TUBGCP5: variants seen among roughly 807,000 people sequenced by gnomAD.
TUBGCP5 encodes tubulin gamma complex component 5.
Under a neutral mutation model 134.7 loss-of-function variants are expected in TUBGCP5, and 98 were observed. The ratio of observed to expected loss-of-function variants is 0.73; its 90% CI spans 0.62 to 0.86. The LOEUF (loss-of-function observed/expected upper bound fraction) is 0.86, where lower values mean the gene tolerates loss of function less well. TUBGCP5 is among the 40% of genes least tolerant of loss of function. The probability of loss-of-function intolerance (pLI) is 0.00; values close to 1 mark genes in which losing one functional copy is unlikely to be tolerated. For synonymous variants in TUBGCP5, 456 were observed against 431.4 expected, an observed-to-expected ratio of 1.06 and a Z score of -0.71; for missense variants, 1,150 against 1,244.8, an observed-to-expected ratio of 0.92 and a Z score of 1.15.
chr15:22,992,556 G>A (rs1397487146), intron 23 of TUBGCP5, among the ~76,000 whole-genome samples: 3 of 152,130 alleles, frequency 2.0e-5, no homozygotes, highest in Admixed American at 1.3e-4. Context: ...GACTGATACA[G>A]ATTTTGGTAC....
At chr15:22,994,920 C>T (rs192061843), downstream of TUBGCP5, among the ~76,000 whole-genome samples, 540 of 152,034 alleles carry the variant, frequency 3.6e-3, 2 homozygotes, top group South Asian at 9.8e-3. Context: ...TTGAGACCAC[C>T]CTGGGCAACA....
intron 6 of TUBGCP5, among the ~76,000 whole-genome samples, chr15:23,028,488 A>G (rs1038970392): frequency 6.6e-6 from 1 of 152,162 alleles, no homozygotes; most frequent in Non-Finnish European, 1.5e-5. Flanking sequence ...GGATAATTCA[A>G]CATCAGAAAA....
chr15:23,038,516 G>A (rs1367273049), intron 1 of TUBGCP5, among the ~76,000 whole-genome samples: 1 of 152,084 alleles, frequency 6.6e-6, no homozygotes, highest in Non-Finnish European at 1.5e-5. Context: ...TCAGAAACTT[G>A]GCATGGTTTA....
In TUBGCP5 at chr15:23,036,965, C is replaced by A; in HGVS notation, c.241G>T (p.Ala81Ser). 6.2e-7 allele frequency: 1 copy of A among 1,612,312 alleles called. No homozygotes were observed. Among genetic ancestry groups the A allele is most frequent in the Non-Finnish European group, 8.5e-7 (1 of 1,179,358 alleles). ...KFVIHSDLSK[A>S]ASWKRLTEEF... ...TCCGTTAATCTCTTCCAACTAGCAG[C>A]TTTGCTTAGATCAGAATGAATGACA... Residue 81 changes from alanine (A) to serine (S), a missense_variant, in exon 3 of 23, where the codon GCT becomes TCT. By Grantham distance (99) the Ala-to-Ser change is moderately conservative. This residue lies in a region of TUBGCP5 where 453 missense variants were observed against 394.7 expected (regional missense o/e 1.15). Transcript: ENST00000615383.
intron 3 of TUBGCP5, among the ~76,000 whole-genome samples, chr15:23,035,701 G>A (rs949463418): frequency 1.1e-4 from 16 of 152,074 alleles, no homozygotes; most frequent in Non-Finnish European, 2.1e-4. Context: ...GTGGGGGTTG[G>A]GGACCTCTGC....
chr15:23,033,901 GTCTTT>G (rs1371396996), intron 3 of TUBGCP5, among the ~76,000 whole-genome samples: 1 of 152,044 alleles, frequency 6.6e-6, no homozygotes, highest in Non-Finnish European at 1.5e-5. Context: ...TTGATTGCCA[GTCTTT>G]TCTTATTTAT....
chr15:23,007,021 G>A (rs1015169261), intron 16 of TUBGCP5, among the ~76,000 whole-genome samples: 1 of 152,170 alleles, frequency 6.6e-6, no homozygotes, highest in African/African-American at 2.4e-5. Context: ...ATATGAAGAA[G>A]GTTTAAAGTG....
In TUBGCP5 at chr15:23,032,814, T is replaced by C. The variant is rs1476903526; in HGVS notation, c.320A>G (p.His107Arg). 5 of 1,574,242 alleles carry C rather than the reference T, an allele frequency of 3.2e-6. No individual in the cohort carries two copies. Among genetic ancestry groups the C allele is most frequent in the Non-Finnish European group, 4.3e-6 (5 of 1,164,830 alleles). ...PSIKEIKTDA[H>R]YSILSLLLCL... ...CAGAAGAAGTGACAGTATGGAATAA[T>C]GTGCATCTGTCTTTAAAACAAAAAA... The change falls in exon 4 of 23, where the codon CAT becomes CGT. Residue 107 changes from histidine (H) to arginine (R), a missense_variant. Physicochemically the swap from His to Arg is conservative, Grantham distance 29. This residue lies in a region of TUBGCP5 where 453 missense variants were observed against 394.7 expected (regional missense o/e 1.15). Transcript: ENST00000615383.
chr15:23,003,684 T>C (rs984543244), intron 20 of TUBGCP5, among the ~76,000 whole-genome samples: 2 of 145,526 alleles, frequency 1.4e-5, no homozygotes, highest in African/African-American at 2.5e-5. Context: ...CTTGCTCTGT[T>C]ACCCAAGCTG....
At chr15:23,027,711 C>T (rs192303930) in intron 6 of TUBGCP5, among the ~76,000 whole-genome samples, 5 of 151,978 alleles carry the variant, frequency 3.3e-5, no homozygotes, top group Admixed American at 1.3e-4. Context: ...CATGCCACTA[C>T]GCTCCAGCCT....
At chr15:23,016,969 G>GATATGTATATATATATATATAT (rs1555439436) in intron 13 of TUBGCP5, among the ~76,000 whole-genome samples, 43 of 109,418 alleles carry the variant, frequency 3.9e-4, no homozygotes, top group African/African-American at 1.5e-3. Context: ...AAAATTGTGA[G>GATATGTATATATATATATATAT]ATATATATAT....
At chr15:22,986,443 A>G (rs1203033054) in intron 23 of TUBGCP5, among the ~76,000 whole-genome samples, 1 of 152,116 alleles carries the variant, frequency 6.6e-6, no homozygotes, top group Admixed American at 6.6e-5. Flanking sequence ...CTGGTGACAG[A>G]AGTCAGAAAT....
At chr15:23,015,303 C>G (rs2140493451) in intron 13 of TUBGCP5, among the ~76,000 whole-genome samples, 1 of 151,702 alleles carries the variant, frequency 6.6e-6, no homozygotes, top group African/African-American at 2.4e-5. Context: ...CCAGGCTGGT[C>G]TCAAACTCCT....
At chr15:23,038,487 A>T (rs1265759786) in intron 1 of TUBGCP5, among the ~76,000 whole-genome samples, 1 of 139,296 alleles carries the variant, frequency 7.2e-6, no homozygotes, top group Non-Finnish European at 1.5e-5. Flanking sequence ...AGTTACACTT[A>T]AGAATTCAGT....
chr15:23,004,327 T>C, intron 19 of TUBGCP5, 100 bp from the exon 20 acceptor site: 1 of 1,400,790 alleles, frequency 7.1e-7, no homozygotes, highest in Non-Finnish European at 9.8e-7. Flanking sequence ...TCCTCTCAAA[T>C]TCTTCCTTCA....
intron 1 of TUBGCP5, 146 bp downstream of exon 1, chr15:23,039,252 G>T: frequency 1.1e-6 from 1 of 936,474 alleles, no homozygotes; most frequent in Non-Finnish European, 1.4e-6. Context: ...GGAGCAGGCG[G>T]TGGCAGGGCC....
In TUBGCP5 at chr15:22,987,290, C is replaced by T. The variant is rs12592425; in HGVS notation, c.*62-3679G>A. Among the ~76,000 whole-genome samples, 3 of 150,450 alleles carry T rather than the reference C, an allele frequency of 2.0e-5. No individual in the cohort carries two copies. In the East Asian group the frequency reaches 5.9e-4, roughly 30 times the overall value. ...CGGAGGTTGTGGTGAGCCAAGATCA[C>T]TCCATTGTGCACTCCAGCCTGGGCA... On this transcript the variant is annotated intron_variant and NMD_transcript_variant, in intron 23 of 23. Coordinates refer to the TUBGCP5 transcript ENST00000614508.
intron 21 of TUBGCP5, 89 bp downstream of exon 21, chr15:23,002,976 G>A: frequency 1.5e-6 from 2 of 1,326,148 alleles, no homozygotes; most frequent in African/African-American, 2.9e-5. Flanking sequence ...TCAGCCTCCT[G>A]AATGGCTGGG....
Position 23,021,943 on chromosome 15 carries a change from C to A in TUBGCP5, c.1371+16G>T. The A allele has an allele frequency of 1.2e-6, 2 of 1,613,132 alleles. No individual in the cohort carries two copies. The highest frequency in any genetic ancestry group is 4.5e-5 in the East Asian group (2 of 44,876). On this transcript the variant is annotated intron_variant, in intron 11 of 22. Coordinates refer to ENST00000615383, the MANE Select transcript of TUBGCP5 (RefSeq NM_052903.6). ...GCAGCATGGAGTCACACACTTTAGG[C>A]AGAAGTCTCACTTACGGTTTGCTCA...
Sources: allele counts gnomAD v4.1 joint callset (sites outside exome capture counted in the v4.1 genomes callset), GRCh38; gene constraint gnomAD v4.1.1; regional missense constraint gnomAD v4.1.1; transcripts MANE v1.5; gene names NCBI Gene and HGNC (gene_info 2026-07-23, HGNC 2026-07-21).